Variants in FOXP2 observed in about 807,000 individuals in gnomAD.
The protein encoded by FOXP2 is forkhead box protein P2.
In FOXP2, 12 loss-of-function variants were observed where a neutral mutation model predicts 115.8. The ratio of observed to expected loss-of-function variants is 0.10; its 90% CI spans 0.07 to 0.17. The LOEUF (loss-of-function observed/expected upper bound fraction) is 0.17. Ranked by LOEUF, FOXP2 falls within the 10% of genes least tolerant of loss-of-function variation. The pLI, the probability that FOXP2 is intolerant of heterozygous loss-of-function variation, is 1.00. For synonymous variants in FOXP2, 328 were observed against 297.7 expected (o/e 1.10, Z -1.05); for missense variants, 629 against 843.5 (o/e 0.75, Z 3.15).
At chr7:114,116,692 G>A (rs1313648340) in intron 1 of FOXP2, among the ~76,000 whole-genome samples, 1 of 152,084 alleles carries the variant, frequency 6.6e-6, no homozygotes, top group Non-Finnish European at 1.5e-5. Context: ...ATTGAAATAA[G>A]TTAATAGTAA....
chr7:114,209,195 G>A (rs1794281162), intron 1 of FOXP2, among the ~76,000 whole-genome samples: 1 of 152,102 alleles, frequency 6.6e-6, no homozygotes, highest in East Asian at 1.9e-4. Context: ...TCCTTTGCTG[G>A]ACATTCATTC....
At chr7:114,189,262 A>C (rs1033069062) in intron 1 of FOXP2, among the ~76,000 whole-genome samples, 1 of 152,196 alleles carries the variant, frequency 6.6e-6, no homozygotes, top group Non-Finnish European at 1.5e-5. Flanking sequence ...TTTATTTTAA[A>C]AATTTATGAT....
intron 1 of FOXP2, among the ~76,000 whole-genome samples, chr7:114,272,479 G>A (rs1359929693): frequency 6.6e-6 from 1 of 151,776 alleles, no homozygotes; most frequent in African/African-American, 2.4e-5. Flanking sequence ...TAAAAGTTTG[G>A]TAGAATTCAC....
intron 2 of FOXP2, among the ~76,000 whole-genome samples, chr7:114,301,669 G>T (rs1273689866): frequency 2.0e-5 from 3 of 152,044 alleles, no homozygotes; most frequent in Non-Finnish European, 4.4e-5. Context: ...TTTTGCACTG[G>T]GTGTCTGTGA....
chr7:114,219,591 G>A (rs904551400), intron 1 of FOXP2, among the ~76,000 whole-genome samples: 2 of 152,034 alleles, frequency 1.3e-5, no homozygotes, highest in Admixed American at 6.6e-5. Context: ...TGTGAATATA[G>A]TTTTAAAAAT....
At chr7:114,258,725 C>T (rs1795678069) in intron 1 of FOXP2, among the ~76,000 whole-genome samples, 1 of 152,136 alleles carries the variant, frequency 6.6e-6, no homozygotes, top group Admixed American at 6.6e-5. Flanking sequence ...ATTGTCTTTT[C>T]TCAGGTTGAA....
intron 3 of FOXP2, among the ~76,000 whole-genome samples, chr7:114,560,767 G>A (rs548520078): frequency 9.2e-5 from 14 of 152,182 alleles, no homozygotes; most frequent in South Asian, 8.3e-4. Flanking sequence ...CCCAAAATTC[G>A]TCCAAAAAGC....
chr7:114,232,432 ATTCACAAT>A (rs1794903997), intron 1 of FOXP2, among the ~76,000 whole-genome samples: 1 of 152,236 alleles, frequency 6.6e-6, no homozygotes, highest in Non-Finnish European at 1.5e-5. Context: ...TTGTAACATT[ATTCACAAT>A]AATCAGGAGA....
intron 1 of FOXP2, among the ~76,000 whole-genome samples, chr7:114,415,860 A>G (rs1384544769): frequency 2.0e-5 from 3 of 152,116 alleles, no homozygotes; most frequent in Non-Finnish European, 4.4e-5. Context: ...TTGTACAAAC[A>G]TGAAAGGAGT....
chr7:114,627,369 A>G (rs1804647906), intron 3 of FOXP2, among the ~76,000 whole-genome samples: 1 of 152,068 alleles, frequency 6.6e-6, no homozygotes, highest in Admixed American at 6.6e-5. Flanking sequence ...TTACAGTAAA[A>G]GTGAATTGTT....
At chr7:114,417,367 G>T (rs908386552) in intron 1 of FOXP2, among the ~76,000 whole-genome samples, 2 of 151,932 alleles carry the variant, frequency 1.3e-5, no homozygotes, top group East Asian at 1.9e-4. Context: ...TTTAAAAATT[G>T]TTTCTAGAAC....
At chr7:114,094,535 T>C (rs1159795864) in intron 1 of FOXP2, among the ~76,000 whole-genome samples, 3 of 152,196 alleles carry the variant, frequency 2.0e-5, no homozygotes, top group African/African-American at 7.2e-5. Context: ...TTCTCTTTCC[T>C]TTTTCCCCTC....
intron 1 of FOXP2, among the ~76,000 whole-genome samples, chr7:114,242,536 T>C (rs1795181537): frequency 6.6e-6 from 1 of 152,120 alleles, no homozygotes; most frequent in Admixed American, 6.6e-5. Context: ...TTAATTGGAC[T>C]AGAGATCATC....
intron 8 of FOXP2, chr7:114,645,169 T>C (rs895172102): frequency 1.5e-5 from 2 of 132,726 alleles, no homozygotes; most frequent in Non-Finnish European, 3.2e-5. Flanking sequence ...TATATATATA[T>C]ATATATATAT....
chr7:114,524,562 A>G (rs1798773470), intron 2 of FOXP2, among the ~76,000 whole-genome samples: 1 of 152,110 alleles, frequency 6.6e-6, no homozygotes, highest in African/African-American at 2.4e-5. Context: ...CTCTGGTGAA[A>G]AAGCTTGGAC....
At chr7:114,439,397 G>A (rs1355234020) in intron 2 of FOXP2, among the ~76,000 whole-genome samples, 1 of 151,968 alleles carries the variant, frequency 6.6e-6, no homozygotes, top group Non-Finnish European at 1.5e-5. Context: ...AATTGGGGGT[G>A]CATAAGAATA....
intron 1 of FOXP2, among the ~76,000 whole-genome samples, chr7:114,218,448 G>T (rs1443690681): frequency 2.6e-5 from 4 of 152,134 alleles, no homozygotes; most frequent in Admixed American, 2.6e-4. Flanking sequence ...CTTAAATATA[G>T]GTCTGGCTTA....
At chr7:114,422,556 A>G (rs1424124507) in intron 1 of FOXP2, among the ~76,000 whole-genome samples, 1 of 151,680 alleles carries the variant, frequency 6.6e-6, no homozygotes, top group Non-Finnish European at 1.5e-5. Context: ...ATTCATGTGC[A>G]CACATATACA....
At chr7:114,161,839 T>A (rs1410954170), upstream of FOXP2, among the ~76,000 whole-genome samples, 1 of 152,054 alleles carries the variant, frequency 6.6e-6, no homozygotes, top group Non-Finnish European at 1.5e-5. Context: ...TGCAGTAGCA[T>A]GATCTCAATC....
Sources: gnomAD v4.1 joint callset for allele counts (sites outside exome capture counted in the v4.1 genomes callset) on GRCh38, gnomAD v4.1.1 for gene constraint, MANE v1.5 for transcripts, NCBI Gene and HGNC (gene_info 2026-07-23, HGNC 2026-07-21) for gene names.